Variants in SNX9 observed in about 807,000 individuals in gnomAD.
SNX9 encodes sorting nexin 9, also known as sorting nexin-9.
A neutral mutation model predicts 89.4 loss-of-function variants in SNX9; 44 were observed. The observed-to-expected ratio is 0.49, with a 90% CI of 0.39 to 0.63. SNX9 has a LOEUF of 0.63. Among genes scored for constraint, SNX9 ranks in the 30% least tolerant of loss-of-function variants. The probability of loss-of-function intolerance (pLI) is 0.00; values close to 1 mark genes in which losing one functional copy is unlikely to be tolerated. For synonymous variants in SNX9, 236 were observed against 247.8 expected (o/e 0.95, Z 0.45); for missense variants, 578 against 736.1 (o/e 0.79, Z 2.49).
chr6:157,873,835 T>A (rs949223928), intron 3 of SNX9, among the ~76,000 whole-genome samples: 1 of 152,076 alleles, frequency 6.6e-6, no homozygotes, highest in Admixed American at 6.5e-5. Flanking sequence ...TGGGTAGAGC[T>A]GTTAGGATGG....
At chr6:157,868,767 T>C (rs3805766) in intron 2 of SNX9, among the ~76,000 whole-genome samples, 19,191 of 152,228 alleles carry the variant, frequency 0.13, 1,970 homozygotes, top group African/African-American at 0.28. Context: ...ATTGCAGGCT[T>C]ATATAGATGG....
intron 1 of SNX9, among the ~76,000 whole-genome samples, chr6:157,834,234 C>A (rs1781535992): frequency 7.5e-6 from 1 of 132,468 alleles, no homozygotes; most frequent in East Asian, 2.4e-4. Context: ...AGTGGTGCAA[C>A]CTCCACTGAC....
In SNX9 at chr6:157,823,514, C is replaced by T. The variant is rs1781278772; in HGVS notation, c.12+68C>T. The T allele has an allele frequency of 9.1e-7, 1 of 1,101,164 alleles. No homozygotes were observed. The highest frequency in any genetic ancestry group is 1.1e-6 in the Non-Finnish European group (1 of 891,030). 68.2% of individuals were successfully genotyped at this position (1,101,164 alleles called of 1,614,324 possible). A position where few individuals can be genotyped will look rare whatever the true frequency, so the allele number is the denominator to read the frequency against. On this transcript the variant is annotated intron_variant, in intron 1 of 17. Coordinates refer to ENST00000392185, the MANE Select transcript of SNX9 (RefSeq NM_016224.5). This position sits in a 1 kb window ranked among gnomAD's most constrained non-coding sequence, Gnocchi z 4.6. ...GGGGCGGCGCGGAGAGGGTCGGGGC[C>T]GGGGCCGCGGGGAGGGTCGGGGCCA...
chr6:157,891,027 CTTTTTTTTT>C, intron 4 of SNX9, among the ~76,000 whole-genome samples: 1 of 114,920 alleles, frequency 8.7e-6, no homozygotes, highest in South Asian at 3.0e-4. Flanking sequence ...TTTTCTTTCT[CTTTTTTTTT>C]TTTTTTTTTT....
chr6:157,831,399 A>T (rs2115104814), intron 1 of SNX9, among the ~76,000 whole-genome samples: 1 of 152,330 alleles, frequency 6.6e-6, no homozygotes, highest in East Asian at 1.9e-4. Flanking sequence ...TCTCAGCCAT[A>T]CTGGGTAGAA....
chr6:157,909,186 G>A (rs1018445875), intron 7 of SNX9, among the ~76,000 whole-genome samples: 3 of 152,178 alleles, frequency 2.0e-5, no homozygotes, highest in African/African-American at 7.2e-5. Context: ...AAAACTGCTT[G>A]TTCCTGATCC....
intron 1 of SNX9, among the ~76,000 whole-genome samples, chr6:157,833,776 G>A (rs1416685103): frequency 6.6e-6 from 1 of 152,142 alleles, no homozygotes; most frequent in Non-Finnish European, 1.5e-5. Flanking sequence ...GTCAAGAGTT[G>A]AATAATATGA....
intron 17 of SNX9, 71 bp downstream of exon 17, chr6:157,941,045 T>A: frequency 1.5e-6 from 2 of 1,318,186 alleles, no homozygotes; most frequent in Non-Finnish European, 2.2e-6. Context: ...TTTGACCATG[T>A]AAAGTTAATC....
intron 2 of SNX9, 58 bp downstream of exon 2, chr6:157,867,691 C>G (rs1246412620): frequency 7.6e-7 from 1 of 1,320,988 alleles, no homozygotes; most frequent in Non-Finnish European, 1.0e-6. Flanking sequence ...TTTAACAAAT[C>G]CGGTAAGAGA....
intron 2 of SNX9, among the ~76,000 whole-genome samples, chr6:157,870,535 C>T (rs1236802490): frequency 6.7e-6 from 1 of 149,590 alleles, no homozygotes; most frequent in Non-Finnish European, 1.5e-5. Context: ...CAAGCACGCA[C>T]ACCCCTCAGA....
At chr6:157,879,617 G>A (rs942471963) in intron 4 of SNX9, among the ~76,000 whole-genome samples, 1 of 152,126 alleles carries the variant, frequency 6.6e-6, no homozygotes, top group Non-Finnish European at 1.5e-5. Context: ...GTTACTTATC[G>A]GTTATTTCAC....
Position 157,944,560 on chromosome 6 carries a change from T to TTTG in SNX9, c.*1734_*1736dup, listed in dbSNP as rs1004323531. On this transcript the variant is annotated 3_prime_UTR_variant, in exon 18 of 18. Transcript: ENST00000392185. Reference sequence around the variant, plus strand: ...CACTTTTTGGACTTTGTGTGTGATTTTTGTTGTTGTTGTTAAGTACTTTTT... The same window carrying TTTG: ...CACTTTTTGGACTTTGTGTGTGATTTTTGTTGTTGTTGTTGTTAAGTACTTTTT... 6.6e-6 allele frequency: 1 copy of TTTG among 152,466 alleles called. No homozygotes were observed. Among genetic ancestry groups the TTTG allele is most frequent in the Non-Finnish European group, 1.5e-5 (1 of 68,036 alleles). 9.4% of individuals were successfully genotyped at this position (152,466 alleles called of 1,614,324 possible).
chr6:157,868,961 G>A (rs935310986), intron 2 of SNX9, among the ~76,000 whole-genome samples: 8 of 152,260 alleles, frequency 5.3e-5, no homozygotes, highest in Non-Finnish European at 7.4e-5. Flanking sequence ...CCTCTCCCTC[G>A]TGACCGTCAC....
Position 157,928,710 on chromosome 6 carries a change from C to T in SNX9, c.1288+8C>T. The T allele has an allele frequency of 1.3e-6, 2 of 1,583,094 alleles. No individual in the cohort carries two copies. Among genetic ancestry groups the T allele is most frequent in the South Asian group, 1.2e-5 (1 of 85,802 alleles). On this transcript the variant is annotated splice_region_variant and intron_variant, in intron 12 of 17. Transcript: ENST00000392185. The stretch of plus-strand genomic sequence containing the variant: ...GGAAGCGCTGCACGGGCCGTAAGTC[C>T]ACTCCTCACAGTGCACTGGGCTCGT...
chr6:157,851,255 CAA>C (rs770815228), intron 1 of SNX9, among the ~76,000 whole-genome samples: 3 of 89,176 alleles, frequency 3.4e-5, no homozygotes, highest in Non-Finnish European at 2.4e-5. Flanking sequence ...AAGATGGTCT[CAA>C]AAAAAAAAAA....
chr6:157,869,344 G>A (rs1298983095), intron 2 of SNX9, among the ~76,000 whole-genome samples: 2 of 152,152 alleles, frequency 1.3e-5, no homozygotes, highest in Non-Finnish European at 2.9e-5. Context: ...CAGCCTCAGA[G>A]GAGGCCAGAC....
rs1426931158 is a variant in SNX9 at position 157,823,622 on chromosome 6, T to G, written c.12+176T>G. ...CCAGCCAGTCCCTTCTGGGCATGGGTGCGGCGGGCAGTGCAGACAGACCAC... is the reference window on the plus strand; with the variant it reads ...CCAGCCAGTCCCTTCTGGGCATGGGGGCGGCGGGCAGTGCAGACAGACCAC... On this transcript the variant is annotated intron_variant, in intron 1 of 17. Coordinates refer to ENST00000392185, the MANE Select transcript of SNX9 (RefSeq NM_016224.5). This position sits in a 1 kb window ranked among gnomAD's most constrained non-coding sequence, Gnocchi z 4.6. Among the ~76,000 whole-genome samples, 1 of 151,224 alleles carries G rather than the reference T, an allele frequency of 6.6e-6. No individual in the cohort carries two copies. The highest frequency in any genetic ancestry group is 1.5e-5 in the Non-Finnish European group (1 of 67,708).
intron 1 of SNX9, among the ~76,000 whole-genome samples, chr6:157,835,873 G>T (rs996930094): frequency 3.3e-5 from 5 of 152,116 alleles, no homozygotes; most frequent in African/African-American, 1.2e-4. Flanking sequence ...TTATAGCCGT[G>T]TGAAAACAGA....
At chr6:157,876,892 C>T (rs1782532206) in intron 4 of SNX9, among the ~76,000 whole-genome samples, 1 of 152,212 alleles carries the variant, frequency 6.6e-6, no homozygotes, top group South Asian at 2.1e-4. Flanking sequence ...CCAAAAATGT[C>T]TCCAGATATA....
Sources: gnomAD v4.1 joint callset for allele counts (sites outside exome capture counted in the v4.1 genomes callset) on GRCh38, gnomAD v4.1.1 for gene constraint, Gnocchi (gnomAD v3.1) non-coding constraint, MANE v1.5 for transcripts, NCBI Gene and HGNC (gene_info 2026-07-23, HGNC 2026-07-21) for gene names.